The following ARID1B variants were observed in gnomAD, a reference collection of about 807,000 sequenced individuals.
ARID1B encodes the protein AT-rich interaction domain 1B.
In ARID1B, 30 loss-of-function variants were observed where a neutral mutation model predicts 212.3. The observed-to-expected ratio is 0.14, with a 90% confidence interval of 0.11 to 0.19. The LOEUF (loss-of-function observed/expected upper bound fraction) is 0.19. ARID1B is among the 10% of genes least tolerant of loss of function. The pLI, the probability that ARID1B is intolerant of heterozygous loss-of-function variation, is 1.00. For synonymous variants in ARID1B, 1,402 were observed against 1,301.7 expected (o/e 1.08, Z -1.66); for missense variants, 2,891 against 3,204.0 (o/e 0.90, Z 2.36).
rs577924077 is a variant in ARID1B, at chr6:157,026,708, G to T, written c.2248-57954G>T. Among the ~76,000 whole-genome samples the T allele has an allele frequency of 2.6e-5, 4 of 152,188 alleles. No individual in the cohort carries two copies. In the East Asian group the frequency reaches 7.7e-4, roughly 29 times the overall value. ...CCCTTTTTATTTTTGAGATGGGGGG[G>T]TCTCACTATTTTGCCCCAGTTGGTC... On this transcript the variant is annotated intron_variant, in intron 4 of 19. Transcript: ENST00000636930.
At chr6:156,968,104 T>A (rs1192652168) in intron 4 of ARID1B, among the ~76,000 whole-genome samples, 1 of 152,238 alleles carries the variant, frequency 6.6e-6, no homozygotes. Flanking sequence ...GTAGCCACTG[T>A]CCTTGAGCTT....
At chr6:157,021,561 G>A (rs12196215) in intron 4 of ARID1B, among the ~76,000 whole-genome samples, 7,044 of 152,286 alleles carry the variant, frequency 0.046, 239 homozygotes, top group Non-Finnish European at 0.07. Context: ...GGGACAGGGG[G>A]ACGAAAACAA....
chr6:157,006,731 T>C (rs1779269515), intron 4 of ARID1B, among the ~76,000 whole-genome samples: 1 of 152,258 alleles, frequency 6.6e-6, no homozygotes. Flanking sequence ...CCTGCACTGT[T>C]ATCATTTTTT....
chr6:156,965,465 C>T (rs767778843), intron 4 of ARID1B, among the ~76,000 whole-genome samples: 5 of 152,150 alleles, frequency 3.3e-5, no homozygotes. Context: ...GTTTGTTATT[C>T]GATGACTGCT....
At chr6:157,167,343 A>G (rs573361520) in intron 9 of ARID1B, 158 bp downstream of exon 9, 1 of 771,306 alleles carries the variant, frequency 1.3e-6, no homozygotes, top group Non-Finnish European at 1.9e-6. Context: ...TGCTCCATCT[A>G]TTTAAGACTT....
At chr6:156,965,406 T>A (rs956423576) in intron 4 of ARID1B, among the ~76,000 whole-genome samples, 3 of 152,204 alleles carry the variant, frequency 2.0e-5, no homozygotes, top group African/African-American at 7.2e-5. Flanking sequence ...TCTTCTCCAC[T>A]TTATCCTTAA....
At chr6:156,882,777 G>T (rs1231546185) in intron 2 of ARID1B, among the ~76,000 whole-genome samples, 3 of 151,552 alleles carry the variant, frequency 2.0e-5, no homozygotes, top group Non-Finnish European at 4.4e-5. Flanking sequence ...TGCTATTGTC[G>T]TGAGTGCTAG....
rs749315126 is a variant in ARID1B, at chr6:156,778,918, G to A, written c.1238G>A (p.Gly413Glu). Residue 413 changes from glycine to glutamate, a missense_variant, in exon 1 of 20, where the codon GGA becomes GAA. By Grantham distance (98) the Gly-to-Glu change is moderately conservative (BLOSUM62 -2). This residue lies in a region of ARID1B where 1,643 missense variants were observed against 1,544.0 expected (regional missense o/e 1.06). Transcript: ENST00000636930. Reference protein sequence around the residue: ...SGGGGGGGGAGAGGAGAGAVA... With the variant: ...SGGGGGGGGAEAGGAGAGAVA... ...GGAGGAGGAGGAGGAGGAGGAGCAG[G>A]AGCAGGAGGAGCAGGAGCGGGAGCT... 2 of 1,317,138 alleles carry A rather than the reference G, an allele frequency of 1.5e-6. No individual in the cohort carries two copies. Among genetic ancestry groups the A allele is most frequent in the Admixed American group, 4.1e-5 (1 of 24,256 alleles). 81.6% of individuals were successfully genotyped at this position (1,317,138 alleles called of 1,614,324 possible).
intron 5 of ARID1B, among the ~76,000 whole-genome samples, chr6:157,109,683 A>C (rs7755616): frequency 0.074 from 11,205 of 152,218 alleles, 1,268 homozygotes; most frequent in African/African-American, 0.24. Context: ...CACATGACTC[A>C]TTATCTCTCT....
rs781091058 is a variant in ARID1B at position 156,779,370 on chromosome 6, G to A, written c.1690G>A (p.Ala564Thr). 1.6e-5 allele frequency: 21 copies of A among 1,350,070 alleles called. No individual in the cohort carries two copies. The highest frequency in any genetic ancestry group is 2.0e-5 in the Non-Finnish European group (21 of 1,044,854). 83.6% of individuals were successfully genotyped at this position (1,350,070 alleles called of 1,614,324 possible). The change falls in exon 1 of 20, where the codon GCC (alanine) becomes ACC (threonine). Residue 564 changes from alanine (A) to threonine (T), a missense_variant. Transcript: ENST00000636930. ...CATGGGCTTGGGCAAGGACATGGGCGCCCAGTACGCCGCTGCCAGCCCGGC... is the reference window on the plus strand; with the variant it reads ...CATGGGCTTGGGCAAGGACATGGGCACCCAGTACGCCGCTGCCAGCCCGGC... ...AGMGLGKDMG[A>T]QYAAASPAWA...
At chr6:156,794,273 A>C (rs1583053049) in intron 1 of ARID1B, among the ~76,000 whole-genome samples, 1 of 151,878 alleles carries the variant, frequency 6.6e-6, no homozygotes, top group East Asian at 1.9e-4. Flanking sequence ...TTTTGGAGAC[A>C]GAGTCTTGCT....
chr6:157,138,645 T>G (rs1415377914), intron 7 of ARID1B, among the ~76,000 whole-genome samples: 1 of 152,206 alleles, frequency 6.6e-6, no homozygotes, highest in African/African-American at 2.4e-5. Flanking sequence ...GTGATGCAGA[T>G]TGACAAGATC....
chr6:156,820,039 C>T (rs1267511978), intron 1 of ARID1B, among the ~76,000 whole-genome samples: 1 of 152,040 alleles, frequency 6.6e-6, no homozygotes, highest in Non-Finnish European at 1.5e-5. Flanking sequence ...ACATGAATAT[C>T]TGGGTGGATG....
In ARID1B at chr6:156,804,214, G is replaced by A. The variant is rs79425710; in HGVS notation, c.1791+24743G>A. Among the ~76,000 whole-genome samples the A allele has an allele frequency of 5.3e-3, 805 of 152,130 alleles. 6 individuals are homozygous for A. Among genetic ancestry groups the A allele is most frequent in the African/African-American group, 0.018 (740 of 41,490 alleles). On this transcript the variant is annotated intron_variant, in intron 1 of 19. Transcript: ENST00000636930. ...TAGCTGGGTGTGGTGGTGCACGCCT[G>A]TAGTTCCAGCTTCTTGGGAGGATGA...
intron 8 of ARID1B, among the ~76,000 whole-genome samples, chr6:157,161,431 G>GTATATATATATATATATATATA (rs199731974): frequency 7.1e-4 from 99 of 139,350 alleles, no homozygotes; most frequent in Non-Finnish European, 7.9e-4. Flanking sequence ...TTGTGTGTGT[G>GTATATATATATATATATATATA]TATATATATA....
chr6:156,906,608 T>A (rs1789412632), intron 3 of ARID1B, among the ~76,000 whole-genome samples: 1 of 147,000 alleles, frequency 6.8e-6, no homozygotes, highest in Non-Finnish European at 1.5e-5. Context: ...AGCGGGGATG[T>A]TTGTCATTTT....
intron 4 of ARID1B, among the ~76,000 whole-genome samples, chr6:157,016,818 A>G (rs559610318): frequency 6.6e-6 from 1 of 152,340 alleles, no homozygotes; most frequent in East Asian, 1.9e-4. Flanking sequence ...GATGTTTAAT[A>G]TTGTAAGTAT....
intron 11 of ARID1B, among the ~76,000 whole-genome samples, chr6:157,180,105 AT>A (rs1165036798): frequency 6.6e-6 from 1 of 152,202 alleles, no homozygotes; most frequent in Non-Finnish European, 1.5e-5. Flanking sequence ...ATACAGAGAT[AT>A]AAATAAGAAA....
At chr6:157,098,357 G>A (rs1041564791) in intron 5 of ARID1B, among the ~76,000 whole-genome samples, 1 of 152,062 alleles carries the variant, frequency 6.6e-6, no homozygotes, top group African/African-American at 2.4e-5. Flanking sequence ...GGACTTCCTG[G>A]GGGAAGGCCG....
Sources: gnomAD v4.1 joint callset for allele counts (sites outside exome capture counted in the v4.1 genomes callset) on GRCh38, gnomAD v4.1.1 for gene constraint, gnomAD v4.1.1 regional missense constraint, MANE v1.5 for transcripts, NCBI Gene and HGNC (gene_info 2026-07-23, HGNC 2026-07-21) for gene names.